The following PTK2B variants were observed in gnomAD, a reference collection of about 807,000 sequenced individuals.
PTK2B encodes protein tyrosine kinase 2 beta, also known as protein-tyrosine kinase 2-beta.
Under a neutral mutation model 142.9 loss-of-function variants are expected in PTK2B, and 71 were observed. The ratio of observed to expected loss-of-function variants is 0.50; its 90% CI spans 0.41 to 0.61. PTK2B has a LOEUF of 0.61. PTK2B is among the 20% of genes least tolerant of loss of function. The probability of loss-of-function intolerance (pLI) is 0.00; values close to 1 mark genes in which losing one functional copy is unlikely to be tolerated. For synonymous variants in PTK2B, 519 were observed against 503.4 expected (o/e 1.03, Z -0.42); for missense variants, 1,105 against 1,320.4 (o/e 0.84, Z 2.53).
chr8:27,454,471 G>A, intron 29 of PTK2B, 60 bp from the exon 30 acceptor site: 1 of 1,585,946 alleles, frequency 6.3e-7, no homozygotes, highest in African/African-American at 1.3e-5. Context: ...CTTCCCAGGG[G>A]AAACCTGGCT....
intron 8 of PTK2B, 60 bp from the exon 9 acceptor site, chr8:27,431,338 A>G: frequency 6.2e-7 from 1 of 1,612,550 alleles, no homozygotes; most frequent in South Asian, 1.1e-5. Flanking sequence ...CTTTTCTTCA[A>G]GTTTCTGAAG....
At chr8:27,455,302 A>G (rs1168405900) in intron 30 of PTK2B, among the ~76,000 whole-genome samples, 1 of 152,094 alleles carries the variant, frequency 6.6e-6, no homozygotes. Context: ...GGAAACTCAC[A>G]TCTATAATGC....
At chr8:27,321,836 G>C (rs927610106), upstream of PTK2B, among the ~76,000 whole-genome samples, 17 of 152,266 alleles carry the variant, frequency 1.1e-4, no homozygotes, top group African/African-American at 4.1e-4. Context: ...TTTAGGTTGA[G>C]GGCATGATTT....
At position 27,458,363 on chromosome 8, in the gene PTK2B, C is replaced by A; in HGVS notation, c.2884C>A (p.Gln962Lys). The A allele has an allele frequency of 6.2e-7, 1 of 1,613,846 alleles. No individual in the cohort carries two copies. The highest frequency in any genetic ancestry group is 1.3e-5 in the African/African-American group (1 of 75,062). ...CATCAACAAGATGCGGCTGGCACAG[C>A]AGAACGCCGTGACCTCCCTAAGTGA... ...ELINKMRLAQ[Q>K]NAVTSLSEEC... Residue 962 changes from glutamine to lysine, a missense_variant, in exon 31 of 31, where the codon CAG becomes AAG. Transcript: ENST00000346049.
chr8:27,407,391 A>G (rs1448320361), intron 2 of PTK2B, among the ~76,000 whole-genome samples: 9 of 152,096 alleles, frequency 5.9e-5, no homozygotes, highest in Admixed American at 5.9e-4. Flanking sequence ...AGCAGAAGGA[A>G]GTCATTTTTC....
At chr8:27,355,835 A>G (rs982666647) in intron 1 of PTK2B, among the ~76,000 whole-genome samples, 4 of 152,182 alleles carry the variant, frequency 2.6e-5, no homozygotes, top group Middle Eastern at 3.2e-3. Context: ...CAGCCTGGCC[A>G]ACATAGTGAA....
intron 1 of PTK2B, among the ~76,000 whole-genome samples, chr8:27,311,929 G>A (rs1802984734): frequency 6.6e-6 from 1 of 152,178 alleles, no homozygotes. Context: ...TTACTCATGA[G>A]TACAATGGCT....
intron 21 of PTK2B, among the ~76,000 whole-genome samples, chr8:27,440,818 A>G (rs577439520): frequency 1.3e-5 from 2 of 152,332 alleles, no homozygotes; most frequent in Admixed American, 6.5e-5. Flanking sequence ...CCTCCCAGAT[A>G]GCAAGGAAGG....
chr8:27,345,364 T>C (rs959267816), intron 1 of PTK2B, among the ~76,000 whole-genome samples: 1 of 152,250 alleles, frequency 6.6e-6, no homozygotes, highest in Non-Finnish European at 1.5e-5. Context: ...AGGACTTCTG[T>C]TACCATCTCC....
chr8:27,440,149 T>G, intron 20 of PTK2B, 88 bp from the exon 21 acceptor site: 1 of 1,364,080 alleles, frequency 7.3e-7, no homozygotes, highest in Non-Finnish European at 1.0e-6. Context: ...CTGCTCCTGG[T>G]GGAGACTGAG....
intron 1 of PTK2B, among the ~76,000 whole-genome samples, chr8:27,364,106 A>G (rs1308343698): frequency 6.6e-6 from 1 of 152,224 alleles, no homozygotes; most frequent in African/African-American, 2.4e-5. Flanking sequence ...TTACAGAGAA[A>G]GAAGCCAGGG....
At chr8:27,318,770 C>A (rs1471420498) in intron 3 of PTK2B, among the ~76,000 whole-genome samples, 1 of 152,180 alleles carries the variant, frequency 6.6e-6, no homozygotes, top group Non-Finnish European at 1.5e-5. Context: ...TCTGCCTCAG[C>A]CTCCGGAGTA....
At chr8:27,445,701 T>G (rs1030788688) in intron 23 of PTK2B, 93 bp from the exon 24 acceptor site, 34 of 1,557,762 alleles carry the variant, frequency 2.2e-5, no homozygotes, top group Non-Finnish European at 2.9e-5. Context: ...GTGGTGCTCA[T>G]GCATAGTTTC....
chr8:27,367,982 A>T (rs1806120521), intron 1 of PTK2B, among the ~76,000 whole-genome samples: 1 of 152,214 alleles, frequency 6.6e-6, no homozygotes, highest in African/African-American at 2.4e-5. Flanking sequence ...CTCTGATTCC[A>T]CAAGAGCCAG....
At chr8:27,375,871 G>A (rs1160150456) in intron 1 of PTK2B, among the ~76,000 whole-genome samples, 1 of 152,214 alleles carries the variant, frequency 6.6e-6, no homozygotes, top group Non-Finnish European at 1.5e-5. Flanking sequence ...GGTACCCTGT[G>A]TTCTGGAGCC....
chr8:27,353,000 G>A (rs2130567432), intron 1 of PTK2B, among the ~76,000 whole-genome samples: 1 of 152,286 alleles, frequency 6.6e-6, no homozygotes, highest in African/African-American at 2.4e-5. Context: ...CAGTTACAAA[G>A]GATTGAATAA....
In PTK2B at chr8:27,458,622, T is replaced by C; in HGVS notation, c.*113T>C. Reference sequence around the variant, plus strand: ...GGGGGAAGGCCAAGGGGAGTCACCTTCCCTTGCCACTTTGCACGACGCCCT... The same window carrying C: ...GGGGGAAGGCCAAGGGGAGTCACCTCCCCTTGCCACTTTGCACGACGCCCT... On this transcript the variant is annotated 3_prime_UTR_variant, in exon 31 of 31. Transcript: ENST00000346049. 3.6e-6 allele frequency: 4 copies of C among 1,113,352 alleles called. No individual in the cohort carries two copies. The highest frequency in any genetic ancestry group is 5.1e-6 in the Non-Finnish European group (4 of 780,342). The allele number at this position is 1,113,352 out of a possible 1,614,324, so 69.0% of individuals were successfully genotyped here.
intron 5 of PTK2B, among the ~76,000 whole-genome samples, chr8:27,428,406 G>A (rs975910002): frequency 6.6e-5 from 10 of 152,132 alleles, no homozygotes; most frequent in Admixed American, 4.6e-4. Flanking sequence ...TTCCAATACC[G>A]CACATCTGCC....
At chr8:27,457,975 CAAAAAAA>C (rs11317355) in intron 30 of PTK2B, among the ~76,000 whole-genome samples, 50,867 of 93,556 alleles carry the variant, frequency 0.54, 9,728 homozygotes, top group Middle Eastern at 0.67. Context: ...AACTCAGTCT[CAAAAAAA>C]AAAAAAAAAA....
Sources: gnomAD v4.1 joint callset for allele counts (sites outside exome capture counted in the v4.1 genomes callset) on GRCh38, gnomAD v4.1.1 for gene constraint, MANE v1.5 for transcripts, NCBI Gene and HGNC (gene_info 2026-07-23, HGNC 2026-07-21) for gene names.